SLC18B1: variants seen among roughly 807,000 people sequenced by gnomAD.
SLC18B1 encodes MFS-type transporter SLC18B1.
Under a neutral mutation model 53.9 loss-of-function variants are expected in SLC18B1, and 62 were observed. That is an observed-to-expected ratio of 1.15 (90% CI 0.94 to 1.42). The LOEUF (loss-of-function observed/expected upper bound fraction) is 1.42, where lower values mean the gene tolerates loss of function less well. SLC18B1 is among the 40% of genes most tolerant of loss of function. The pLI, the probability that SLC18B1 is intolerant of heterozygous loss-of-function variation, is 0.00. For missense variants in SLC18B1, 598 were observed against 547.3 expected, an observed-to-expected ratio of 1.09 and a Z score of -0.93; for synonymous variants, 217 against 200.9, an observed-to-expected ratio of 1.08 and a Z score of -0.68.
rs747575765 is a variant in SLC18B1 at position 132,770,290 on chromosome 6, G to A, written c.1351C>T (p.Leu451Phe). The change falls in exon 14 of 14, where the codon CTC becomes TTC. Residue 451 changes from leucine (L) to phenylalanine (F), a missense_variant. Physicochemically the swap from Leu to Phe is conservative, Grantham distance 22. Coordinates refer to ENST00000275227, the MANE Select transcript of SLC18B1 (RefSeq NM_052831.3). Reference sequence around the variant, plus strand: ...TCGGACTAGGTTTCATTAGGCAAGAGAGTAGTTCGTTCCTCCTCTGTGCTG... The same window carrying A: ...TCGGACTAGGTTTCATTAGGCAAGAAAGTAGTTCGTTCCTCCTCTGTGCTG... ...ILSTEEERTT[L>F]LPNET 1.2e-6 allele frequency: 2 copies of A among 1,613,612 alleles called. No individual in the cohort carries two copies. Among genetic ancestry groups the A allele is most frequent in the Non-Finnish European group, 1.7e-6 (2 of 1,179,630 alleles).
Position 132,783,957 on chromosome 6 carries a change from T to A in SLC18B1, c.634A>T (p.Asn212Tyr). 6.2e-7 allele frequency: 1 copy of A among 1,600,686 alleles called. No individual in the cohort carries two copies. The highest frequency in any genetic ancestry group is 1.1e-5 in the South Asian group (1 of 88,450). ...CCGTAATTGGGTAAAATATACATAT[T>A]GAGTGGTACCATCAGCAAAACGACG... ...GCVVLLMVPL[N>Y]MYILPNYESD... The change falls in exon 6 of 14, where the codon AAT becomes TAT. Residue 212 changes from asparagine (N) to tyrosine (Y), a missense_variant. Coordinates refer to ENST00000275227, the MANE Select transcript of SLC18B1 (RefSeq NM_052831.3).
chr6:132,797,210 T>C, intron 1 of SLC18B1, 89 bp from the exon 2 acceptor site: 1 of 1,476,882 alleles, frequency 6.8e-7, no homozygotes, highest in Middle Eastern at 1.8e-4. Context: ...TATGTTGCAC[T>C]CTGAAGATAT....
chr6:132,783,921 G>T lies in SLC18B1; in HGVS notation c.658+12C>A. 1 of 1,577,628 alleles carries T rather than the reference G, an allele frequency of 6.3e-7. No individual in the cohort carries two copies. Among genetic ancestry groups the T allele is most frequent in the South Asian group, 1.2e-5 (1 of 84,216 alleles). ...TTAAGGTTCTTAAAATGAGTAATAA[G>T]TGTGGACTTACCGTAATTGGGTAAA... On this transcript the variant is annotated intron_variant, in intron 6 of 13. Transcript: ENST00000275227.
intron 9 of SLC18B1, among the ~76,000 whole-genome samples, chr6:132,773,857 T>G (rs1781037784): frequency 6.8e-6 from 1 of 146,566 alleles, no homozygotes; most frequent in Non-Finnish European, 1.5e-5. Flanking sequence ...GGTCCCTGCC[T>G]CAAGGAAAAA....
intron 5 of SLC18B1, 45 bp downstream of exon 5, chr6:132,787,388 TG>T: frequency 6.8e-7 from 1 of 1,471,920 alleles, no homozygotes. Flanking sequence ...GCAAATATTT[TG>T]GCCTACACTC....
chr6:132,787,460 A>T lies in SLC18B1; in HGVS notation c.475T>A (p.Phe159Ile). ...AATACCGTAGCCACGTTATTTGGAAAAGCCTTTGCCAGGATAGAAGAAGAT... is the reference window on the plus strand; with the variant it reads ...AATACCGTAGCCACGTTATTTGGAATAGCCTTTGCCAGGATAGAAGAAGAT... ...TASSSILAKA[F>I]PNNVATVLGS... The change falls in exon 5 of 14, where the codon TTT becomes ATT. Residue 159 changes from phenylalanine (F) to isoleucine (I), a missense_variant. Physicochemically the swap from Phe to Ile is conservative, Grantham distance 21. Transcript: ENST00000275227. 6.2e-7 allele frequency: 1 copy of T among 1,600,462 alleles called. No homozygotes were observed. Among genetic ancestry groups the T allele is most frequent in the African/African-American group, 1.4e-5 (1 of 73,752 alleles).
rs535747863 is a variant in SLC18B1 at position 132,787,506 on chromosome 6, G to A, written c.429C>T (p.Ser143=). The A allele has an allele frequency of 1.9e-6, 3 of 1,609,840 alleles. No homozygotes were observed. Among genetic ancestry groups the A allele is most frequent in the Non-Finnish European group, 2.5e-6 (3 of 1,178,298 alleles). ...CFLVRVMDAV[S]FAAAMTASSS... Reference sequence around the variant, plus strand: ...AAGATGCAGTCATTGCTGCAGCAAAGCTAACTGCATCCATTACTCTCACTA... The same window carrying A: ...AAGATGCAGTCATTGCTGCAGCAAAACTAACTGCATCCATTACTCTCACTA... Residue 143 remains serine (S), a synonymous_variant, in exon 5 of 14, where the codon AGC becomes AGT. Transcript: ENST00000275227.
chr6:132,789,873 G>T, intron 3 of SLC18B1, 36 bp from the exon 4 acceptor site: 2 of 1,455,754 alleles, frequency 1.4e-6, no homozygotes, highest in South Asian at 2.3e-5. Flanking sequence ...GTAAATTTAT[G>T]ACTTCCGAAA....
At chr6:132,779,538 T>C in intron 6 of SLC18B1, 134 bp from the exon 7 acceptor site, 1 of 904,954 alleles carries the variant, frequency 1.1e-6, no homozygotes, top group Non-Finnish European at 1.6e-6. Context: ...TTGCCTAAAA[T>C]TGTATACCAT....
intron 1 of SLC18B1, 81 bp from the exon 2 acceptor site, chr6:132,797,202 T>C (rs1040741673): frequency 8.2e-5 from 126 of 1,533,896 alleles, no homozygotes; most frequent in Non-Finnish European, 1.1e-4. Flanking sequence ...TGTGCACATA[T>C]GTTGCACTCT....
chr6:132,774,385 A>G lies in SLC18B1; in HGVS notation c.898-72T>C, dbSNP rs1487434541. 6 of 1,191,916 alleles carry G rather than the reference A, an allele frequency of 5.0e-6. No homozygotes were observed. The African/African-American group carries it at 9.2e-5, about 18-fold the overall frequency. 73.8% of individuals were successfully genotyped at this position (1,191,916 alleles called of 1,614,324 possible). A position where few individuals can be genotyped will look rare whatever the true frequency, so the allele number is the denominator to read the frequency against. On this transcript the variant is annotated intron_variant, in intron 8 of 13. Transcript: ENST00000275227. The stretch of plus-strand genomic sequence containing the variant: ...CCTCCATAATCAAACAACGTAAAAC[A>G]TTAGTAAAAAACACAAATCATGATA...
chr6:132,770,120 G>A lies in SLC18B1; in HGVS notation c.*150C>T. ...ATCACAGTAAGTACAGCCCAATACAGGATCATCCAAAAACACGTTGACACT... is the reference window on the plus strand; with the variant it reads ...ATCACAGTAAGTACAGCCCAATACAAGATCATCCAAAAACACGTTGACACT... On this transcript the variant is annotated 3_prime_UTR_variant, in exon 14 of 14. Coordinates refer to ENST00000275227, the MANE Select transcript of SLC18B1 (RefSeq NM_052831.3). 1 of 632,442 alleles carries A rather than the reference G, an allele frequency of 1.6e-6. No individual in the cohort carries two copies. The highest frequency in any genetic ancestry group is 1.8e-5 in the African/African-American group (1 of 54,222). The allele number at this position is 632,442 out of a possible 1,614,324, so 39.2% of individuals were successfully genotyped here. A position where few individuals can be genotyped will look rare whatever the true frequency, so the allele number is the denominator to read the frequency against.
chr6:132,798,342 A>G, intron 1 of SLC18B1, 72 bp downstream of exon 1: 1 of 1,425,848 alleles, frequency 7.0e-7, no homozygotes, highest in Non-Finnish European at 9.3e-7. Context: ...TAAGCAATTC[A>G]ATCGTTGCTA....
At chr6:132,775,380 C>T (rs191898660) in intron 8 of SLC18B1, among the ~76,000 whole-genome samples, 237 of 152,280 alleles carry the variant, frequency 1.6e-3, no homozygotes, top group African/African-American at 5.6e-3. Context: ...AAAATTATCC[C>T]TTATAAACTA....
chr6:132,781,981 A>G (rs560279735), intron 6 of SLC18B1, among the ~76,000 whole-genome samples: 8 of 151,980 alleles, frequency 5.3e-5, no homozygotes, highest in Admixed American at 2.0e-4. Flanking sequence ...TTAGGTCAGG[A>G]GTTCGAGACC....
chr6:132,791,945 G>A (rs1055750162), intron 2 of SLC18B1, among the ~76,000 whole-genome samples: 20 of 151,934 alleles, frequency 1.3e-4, no homozygotes, highest in Admixed American at 6.6e-5. Context: ...AAAAATATGC[G>A]TGCCGGGCAT....
intron 2 of SLC18B1, among the ~76,000 whole-genome samples, chr6:132,792,347 G>GGAAGGAA (rs1781567708): frequency 8.7e-6 from 1 of 114,860 alleles, no homozygotes; most frequent in Admixed American, 9.3e-5. Flanking sequence ...AAGGAAGGAA[G>GGAAGGAA]GAAGGAAGGG....
intron 1 of SLC18B1, 31 bp from the exon 2 acceptor site, chr6:132,797,152 A>T (rs1781715404): frequency 6.2e-7 from 1 of 1,611,224 alleles, no homozygotes; most frequent in Non-Finnish European, 8.5e-7. Context: ...AATTAGGCAT[A>T]TAATTGAGAC....
chr6:132,793,716 T>C (rs1781604369), intron 2 of SLC18B1, among the ~76,000 whole-genome samples: 1 of 152,212 alleles, frequency 6.6e-6, no homozygotes, highest in Non-Finnish European at 1.5e-5. Context: ...CAAAGGTACA[T>C]TCATAATCTA....
Sources: allele counts gnomAD v4.1 joint callset (sites outside exome capture counted in the v4.1 genomes callset), GRCh38; gene constraint gnomAD v4.1.1; transcripts MANE v1.5; gene names NCBI Gene and HGNC (gene_info 2026-07-23, HGNC 2026-07-21).